Variants in PLEKHG3 observed in about 807,000 individuals in gnomAD.
PLEKHG3 encodes the protein pleckstrin homology domain-containing family G member 3.
PLEKHG3 carries 62 observed loss-of-function variants against 94.9 expected under a neutral mutation model. The observed-to-expected ratio is 0.65, with a 90% CI of 0.53 to 0.81. PLEKHG3 has a LOEUF of 0.81. Among genes scored for constraint, PLEKHG3 ranks in the 30% least tolerant of loss-of-function variants. PLEKHG3 has a pLI of 0.00. For synonymous variants in PLEKHG3, 614 were observed against 654.0 expected (o/e 0.94, Z 0.93); for missense variants, 1,461 against 1,619.3 (o/e 0.90, Z 1.68).
rs74056399 is a variant in PLEKHG3, at chr14:64,721,644, C to G, written c.-39-5949C>G. On this transcript the variant is annotated intron_variant, in intron 1 of 16. Coordinates refer to ENST00000247226, the MANE Select transcript of PLEKHG3 (RefSeq NM_001308147.2). The surrounding 1 kb of genome is among the most constrained non-coding windows in gnomAD (Gnocchi z 4.3). ...GGCAGTCACGTTGCTCACATGCACA[C>G]AAAGTCACTCCCCGGGGAGCCTTCT... Among the ~76,000 whole-genome samples, 1,412 of 152,316 alleles carry G rather than the reference C, an allele frequency of 9.3e-3. 22 individuals carry two copies. Among genetic ancestry groups the G allele is most frequent in the African/African-American group, 0.032 (1,337 of 41,560 alleles).
At chr14:64,740,938 C>G in intron 15 of PLEKHG3, 98 bp from the exon 16 acceptor site, 1 of 986,760 alleles carries the variant, frequency 1.0e-6, no homozygotes, top group Non-Finnish European at 1.5e-6. Context: ...CTACAGGTCC[C>G]TGTCATTGGG....
At position 64,738,031 on chromosome 14, in the gene PLEKHG3, A is replaced by G; in HGVS notation, c.1404+656A>G. The G allele has an allele frequency of 7.8e-7, 1 of 1,289,160 alleles. No individual in the cohort carries two copies. Among genetic ancestry groups the G allele is most frequent in the Non-Finnish European group, 1.0e-6 (1 of 989,366 alleles). The allele number at this position is 1,289,160 out of a possible 1,614,324, so 79.9% of individuals were successfully genotyped here. A position where few individuals can be genotyped will look rare whatever the true frequency, so the allele number is the denominator to read the frequency against. On this transcript the variant is annotated intron_variant, in intron 14 of 16. Transcript: ENST00000247226. The surrounding 1 kb of genome is among the most constrained non-coding windows in gnomAD (Gnocchi z 4.8). ...GAGCAGGCCTTTCAGGTCTCTCTGG[A>G]GGACCTGACAGGGCATGAAGGCAAC... is the stretch of plus-strand genomic sequence containing the variant.
Position 64,742,214 on chromosome 14 carries a change from G to C in PLEKHG3, c.2697G>C (p.Leu899=). 6.2e-7 allele frequency: 1 copy of C among 1,613,032 alleles called. No individual in the cohort carries two copies. Among genetic ancestry groups the C allele is most frequent in the Non-Finnish European group, 8.5e-7 (1 of 1,179,954 alleles). The change falls in exon 16 of 17, where the codon CTG becomes CTC. Residue 899 remains leucine (L), a synonymous_variant. Transcript: ENST00000247226. ...TGAGCAGCAGTACCCAGGGGGAGCT[G>C]GTGGCCCCACTGCACCCCCGCATCG... ...KELSSSTQGE[L]VAPLHPRIVQ... is the part of the protein sequence containing the mutation.
Position 64,731,880 on chromosome 14 carries a change from T to C in PLEKHG3, c.1125+74T>C, listed in dbSNP as rs1310078831. The C allele has an allele frequency of 1.4e-5, 15 of 1,090,458 alleles. No individual in the cohort carries two copies. Among genetic ancestry groups the C allele is most frequent in the Non-Finnish European group, 2.1e-5 (15 of 714,550 alleles). 67.5% of individuals were successfully genotyped at this position (1,090,458 alleles called of 1,614,324 possible). ...ACACCTGCGTGGGACTCCTGGCTCC[T>C]CTGCTCACCTAGCTGCCCCAAGCCC... On this transcript the variant is annotated intron_variant, in intron 9 of 16. Coordinates refer to ENST00000247226, the MANE Select transcript of PLEKHG3 (RefSeq NM_001308147.2). The surrounding 1 kb of genome is among the most constrained non-coding windows in gnomAD (Gnocchi z 6.1).
rs1294985173 is a variant in PLEKHG3, at chr14:64,743,024, T to C, written c.2981T>C (p.Leu994Pro). 8 of 1,613,164 alleles carry C rather than the reference T, an allele frequency of 5.0e-6. No individual in the cohort carries two copies. The highest frequency in any genetic ancestry group is 6.8e-6 in the Non-Finnish European group (8 of 1,179,740). Residue 994 changes from leucine (L) to proline (P), a missense_variant, in exon 17 of 17, where the codon CTG (leucine) becomes CCG (proline). Coordinates refer to ENST00000247226, the MANE Select transcript of PLEKHG3 (RefSeq NM_001308147.2). The surrounding 1 kb of genome is among the most constrained non-coding windows in gnomAD (Gnocchi z 7.2). ...CTGTCTCTATTTGACTATGAGCAGC[T>C]GATGGCCCAGGAGCACAGCCCTCCC... is the stretch of plus-strand genomic sequence containing the variant. ...PVLSLFDYEQ[L>P]MAQEHSPPKP... is the part of the protein sequence containing the mutation.
chr14:64,710,815 C>CTT (rs34126039), intron 1 of PLEKHG3, among the ~76,000 whole-genome samples: 1 of 145,770 alleles, frequency 6.9e-6, no homozygotes. Flanking sequence ...TGCCGGGGAT[C>CTT]TTTTTTTTTT....
chr14:64,739,806 T>A lies in PLEKHG3; in HGVS notation c.1518+951T>A, dbSNP rs1421108316. Among the ~76,000 whole-genome samples, 1 of 152,196 alleles carries A rather than the reference T, an allele frequency of 6.6e-6. No homozygotes were observed. Among genetic ancestry groups the A allele is most frequent in the Non-Finnish European group, 1.5e-5 (1 of 68,034 alleles). Reference sequence around the variant, plus strand: ...TTTGTAAGGGATCTGACCCCACTCATGAGGATGGAGCCCTTGTGACCTAAT... The same window carrying A: ...TTTGTAAGGGATCTGACCCCACTCAAGAGGATGGAGCCCTTGTGACCTAAT... On this transcript the variant is annotated intron_variant, in intron 15 of 16. Coordinates refer to ENST00000247226, the MANE Select transcript of PLEKHG3 (RefSeq NM_001308147.2). The surrounding 1 kb of genome is among the most constrained non-coding windows in gnomAD (Gnocchi z 4.1).
rs550677791 is a variant in PLEKHG3 at position 64,732,592 on chromosome 14, G to A, written c.1246+132G>A. On this transcript the variant is annotated intron_variant, in intron 11 of 16. Coordinates refer to ENST00000247226, the MANE Select transcript of PLEKHG3 (RefSeq NM_001308147.2). This position sits in a 1 kb window ranked among gnomAD's most constrained non-coding sequence, Gnocchi z 4.9. ...GGGCGGGGGTCTCCTGTTAAGGGCT[G>A]GGGGGTGAACTACATGATTAAGGAT... The A allele has an allele frequency of 1.3e-5, 11 of 835,066 alleles. No homozygotes were observed. The highest frequency in any genetic ancestry group is 7.3e-5 in the East Asian group (3 of 41,276). 51.7% of individuals were successfully genotyped at this position (835,066 alleles called of 1,614,324 possible). A position where few individuals can be genotyped will look rare whatever the true frequency, so the allele number is the denominator to read the frequency against.
In PLEKHG3 at chr14:64,732,302, C is replaced by T. The variant is rs1272105884; in HGVS notation, c.1212+121C>T. ...CTCCAGTGGACAGTGAGTGTCAGTA[C>T]AGCAGATGCCCCGGGCCTTGGTGCA... is the stretch of plus-strand genomic sequence containing the variant. On this transcript the variant is annotated intron_variant, in intron 10 of 16. Transcript: ENST00000247226. This position sits in a 1 kb window ranked among gnomAD's most constrained non-coding sequence, Gnocchi z 4.9. 3 of 1,214,140 alleles carry T rather than the reference C, an allele frequency of 2.5e-6. No homozygotes were observed. The highest frequency in any genetic ancestry group is 2.3e-5 in the East Asian group (1 of 43,044). 75.2% of individuals were successfully genotyped at this position (1,214,140 alleles called of 1,614,324 possible).
Position 64,731,910 on chromosome 14 carries a change from G to T in PLEKHG3, c.1125+104G>T. 1 of 908,100 alleles carries T rather than the reference G, an allele frequency of 1.1e-6. No homozygotes were observed. Among genetic ancestry groups the T allele is most frequent in the Non-Finnish European group, 1.8e-6 (1 of 558,300 alleles). 56.3% of individuals were successfully genotyped at this position (908,100 alleles called of 1,614,324 possible). A position where few individuals can be genotyped will look rare whatever the true frequency, so the allele number is the denominator to read the frequency against. ...TCACCTAGCTGCCCCAAGCCCCAGT[G>T]TCTCCATCTGTGAGGCAAGGATCAT... On this transcript the variant is annotated intron_variant, in intron 9 of 16. Transcript: ENST00000247226. The surrounding 1 kb of genome is among the most constrained non-coding windows in gnomAD (Gnocchi z 6.1).
rs1312108155 is a variant in PLEKHG3 at position 64,739,007 on chromosome 14, G to A, written c.1518+152G>A. 5 of 630,254 alleles carry A rather than the reference G, an allele frequency of 7.9e-6. No individual in the cohort carries two copies. The highest frequency in any genetic ancestry group is 1.2e-5 in the Non-Finnish European group (4 of 347,250). 39.0% of individuals were successfully genotyped at this position (630,254 alleles called of 1,614,324 possible). On this transcript the variant is annotated intron_variant, in intron 15 of 16. Coordinates refer to ENST00000247226, the MANE Select transcript of PLEKHG3 (RefSeq NM_001308147.2). The surrounding 1 kb of genome is among the most constrained non-coding windows in gnomAD (Gnocchi z 4.1). ...CCCAGGACTCTCAGCCCTGCATGAA[G>A]CCTGTTTGGCCTAGAGTATATGGTT...
rs1267130778 is a variant in PLEKHG3, at chr14:64,730,708, G to A, written c.566+20G>A. ...CCCCAAGTGAGTAATTGGGGTGAGA[G>A]GGAAGGCAGAGCCATTTGGTGAGTC... is the stretch of plus-strand genomic sequence containing the variant. On this transcript the variant is annotated intron_variant, in intron 5 of 16. Transcript: ENST00000247226. This position sits in a 1 kb window ranked among gnomAD's most constrained non-coding sequence, Gnocchi z 5.4. 1.9e-6 allele frequency: 3 copies of A among 1,613,210 alleles called. No homozygotes were observed. The highest frequency in any genetic ancestry group is 1.7e-4 in the Middle Eastern group (1 of 6,060).
At position 64,727,955 on chromosome 14, in the gene PLEKHG3, C is replaced by T. The variant is rs749232144; in HGVS notation, c.324C>T (p.Tyr108=). ...AGATCGTGGAGACAGAGCGCATGTA[C>T]GTACAGGACCTGCGCAGCATCGTGG... is the stretch of plus-strand genomic sequence containing the variant. ...VREIVETERM[Y]VQDLRSIVED... The change falls in exon 2 of 17, where the codon TAC becomes TAT. Residue 108 remains tyrosine (Y), a synonymous_variant. Transcript: ENST00000247226. The surrounding 1 kb of genome is among the most constrained non-coding windows in gnomAD (Gnocchi z 6.0). The T allele has an allele frequency of 1.2e-5, 19 of 1,591,748 alleles. No homozygotes were observed. In the Middle Eastern group the frequency reaches 5.0e-4, roughly 42 times the overall value.
intron 1 of PLEKHG3, among the ~76,000 whole-genome samples, chr14:64,712,966 G>C (rs767198766): frequency 6.6e-6 from 1 of 152,112 alleles, no homozygotes; most frequent in African/African-American, 2.4e-5. Flanking sequence ...TGTAAGGTTG[G>C]GGATATTCTC....
In PLEKHG3 at chr14:64,743,164, C is replaced by G. The variant is rs1436076602; in HGVS notation, c.3121C>G (p.Pro1041Ala). Residue 1041 changes from proline (P) to alanine (A), a missense_variant, in exon 17 of 17, where the codon CCC becomes GCC. Coordinates refer to ENST00000247226, the MANE Select transcript of PLEKHG3 (RefSeq NM_001308147.2). This position sits in a 1 kb window ranked among gnomAD's most constrained non-coding sequence, Gnocchi z 7.2. ...GRPSARSPLS[P>A]TETFSWPDVR... is the part of the protein sequence containing the mutation. ...GCCCTCCGCCCGGAGCCCCCTCAGC[C>G]CCACAGAGACCTTCAGCTGGCCCGA... is the stretch of plus-strand genomic sequence containing the variant. 6.2e-7 allele frequency: 1 copy of G among 1,610,954 alleles called. No homozygotes were observed. The highest frequency in any genetic ancestry group is 1.7e-5 in the Admixed American group (1 of 60,010).
In PLEKHG3 at chr14:64,749,997, GCTT is replaced by G. The variant is rs753593714; in HGVS notation, c.*6304_*6306del. ...AGGCCTCACCTCAGCTTAAAGACGT[GCTT>G]CTTCTTCTTGTAGTTGGCAGCAATC... On this transcript the variant is annotated 3_prime_UTR_variant, in exon 17 of 17. Coordinates refer to ENST00000247226, the MANE Select transcript of PLEKHG3 (RefSeq NM_001308147.2). This position sits in a 1 kb window ranked among gnomAD's most constrained non-coding sequence, Gnocchi z 4.7. 561 of 1,614,198 alleles carry G rather than the reference GCTT, an allele frequency of 3.5e-4. No individual in the cohort carries two copies. Among genetic ancestry groups the G allele is most frequent in the Non-Finnish European group, 4.3e-4 (503 of 1,180,030 alleles).
In PLEKHG3 at chr14:64,748,365, T is replaced by G. The variant is rs1271567584; in HGVS notation, c.*4662T>G. The G allele has an allele frequency of 1.3e-5, 2 of 152,260 alleles. No homozygotes were observed. The highest frequency in any genetic ancestry group is 2.9e-5 in the Non-Finnish European group (2 of 68,122). The allele number at this position is 152,260 out of a possible 1,614,324, so 9.4% of individuals were successfully genotyped here. ...TGTCCCGTAGGGGGCCTATGTCTGT[T>G]GGATATTGCTGGTTTGGCTGCCACT... On this transcript the variant is annotated 3_prime_UTR_variant, in exon 17 of 17. Transcript: ENST00000247226.
intron 1 of PLEKHG3, among the ~76,000 whole-genome samples, chr14:64,724,085 G>T (rs986073965): frequency 1.3e-5 from 2 of 151,838 alleles, no homozygotes; most frequent in East Asian, 3.9e-4. Flanking sequence ...AGTATGGAGT[G>T]GTGCTCTTCA....
rs1434626872 is a variant in PLEKHG3, at chr14:64,731,238, A to C, written c.849+69A>C. 1 of 1,493,798 alleles carries C rather than the reference A, an allele frequency of 6.7e-7. No homozygotes were observed. Among genetic ancestry groups the C allele is most frequent in the Non-Finnish European group, 9.2e-7 (1 of 1,083,266 alleles). The allele number at this position is 1,493,798 out of a possible 1,614,324, so 92.5% of individuals were successfully genotyped here. A position where few individuals can be genotyped will look rare whatever the true frequency, so the allele number is the denominator to read the frequency against. On this transcript the variant is annotated intron_variant, in intron 7 of 16. Transcript: ENST00000247226. The surrounding 1 kb of genome is among the most constrained non-coding windows in gnomAD (Gnocchi z 6.1). ...GGCCAGGCTTCCGCTGGGAAGAGGG[A>C]CTGTGGCCACCCTGCTGGGATGAGC...
Sources: allele counts gnomAD v4.1 joint callset (sites outside exome capture counted in the v4.1 genomes callset), GRCh38; gene constraint gnomAD v4.1.1; non-coding constraint Gnocchi (gnomAD v3.1); transcripts MANE v1.5; gene names NCBI Gene and HGNC (gene_info 2026-07-23, HGNC 2026-07-21).